Variants in FAM163A observed in about 807,000 individuals in gnomAD.
The protein encoded by FAM163A is family with sequence similarity 163 member A.
In FAM163A, 7 loss-of-function variants were observed where a neutral mutation model predicts 12.0. The ratio of observed to expected loss-of-function variants is 0.58; its 90% CI spans 0.33 to 1.10. FAM163A has a LOEUF of 1.10. FAM163A is among the 50% of genes least tolerant of loss of function. The probability of loss-of-function intolerance (pLI) is 0.03; values close to 1 mark genes in which losing one functional copy is unlikely to be tolerated. For synonymous variants in FAM163A, 101 were observed against 91.0 expected, an observed-to-expected ratio of 1.11 and a Z score of -0.62; for missense variants, 202 against 218.6, an observed-to-expected ratio of 0.92 and a Z score of 0.48.
At chr1:179,733,073 C>T in the FAM163A span, among the ~76,000 whole-genome samples, 287 of 151,906 alleles carry the variant, frequency 1.9e-3, 4 homozygotes, top group African/African-American at 6.7e-3. Flanking sequence ...AAGCACATAC[C>T]GAGGCGGCAG....
At chr1:179,745,947 C>A (rs1350769534) in intron 1 of FAM163A, among the ~76,000 whole-genome samples, 1 of 152,100 alleles carries the variant, frequency 6.6e-6, no homozygotes, top group Non-Finnish European at 1.5e-5. Context: ...ACTTGTAGAT[C>A]CAAGAGATAT....
In FAM163A at chr1:179,764,320, C is replaced by T. The variant is rs140399026; in HGVS notation, c.-136+20897C>T. Among the ~76,000 whole-genome samples the T allele has an allele frequency of 1.9e-3, 292 of 152,160 alleles. 1 individual carries two copies. The highest frequency in any genetic ancestry group is 0.014 in the Middle Eastern group (4 of 294). On this transcript the variant is annotated intron_variant, in intron 1 of 4. Coordinates refer to ENST00000341785, the MANE Select transcript of FAM163A (RefSeq NM_173509.3). ...ATCTGGGCAGAAGGGGCGGGAACGA[C>T]GAGGCAGATAAGAATATACCCATTT... is the stretch of plus-strand genomic sequence containing the variant.
At chr1:179,807,084 A>AG (rs1470951272) in intron 1 of FAM163A, among the ~76,000 whole-genome samples, 2 of 150,796 alleles carry the variant, frequency 1.3e-5, no homozygotes, top group African/African-American at 4.9e-5. Flanking sequence ...ACTGTGTCTC[A>AG]GAAAAAAAAA....
intron 4 of FAM163A, among the ~76,000 whole-genome samples, chr1:179,813,535 G>T (rs1457658369): frequency 6.6e-6 from 1 of 152,150 alleles, no homozygotes; most frequent in Admixed American, 6.5e-5. Flanking sequence ...AATATGATGT[G>T]TGTGTCCCTG....
At chr1:179,737,758 C>T in the FAM163A span, among the ~76,000 whole-genome samples, 1 of 151,834 alleles carries the variant, frequency 6.6e-6, no homozygotes, top group Non-Finnish European at 1.5e-5. Context: ...TGGCATGAAC[C>T]TGGGAGGCAG....
the FAM163A span, among the ~76,000 whole-genome samples, chr1:179,733,942 T>C: frequency 2.0e-5 from 3 of 152,220 alleles, no homozygotes; most frequent in African/African-American, 7.2e-5. Flanking sequence ...TCTTGCCTCA[T>C]GGAGAACGAT....
chr1:179,739,168 C>T (rs1161580366), upstream of FAM163A, among the ~76,000 whole-genome samples: 2 of 148,958 alleles, frequency 1.3e-5, no homozygotes, highest in Non-Finnish European at 3.0e-5. Context: ...ACATCTTATA[C>T]AAAAATTAAC....
chr1:179,773,876 C>T (rs1007012169), intron 1 of FAM163A, among the ~76,000 whole-genome samples: 2 of 152,286 alleles, frequency 1.3e-5, no homozygotes, highest in African/African-American at 4.8e-5. Flanking sequence ...GAGAAAGCAC[C>T]GGTATTCGCA....
intron 1 of FAM163A, among the ~76,000 whole-genome samples, chr1:179,752,368 G>A (rs983757536): frequency 1.3e-5 from 2 of 151,410 alleles, no homozygotes; most frequent in African/African-American, 2.4e-5. Context: ...ATAGGGGAAA[G>A]CTTCATCACA....
At chr1:179,755,882 C>T (rs1313113619) in intron 1 of FAM163A, among the ~76,000 whole-genome samples, 1 of 152,180 alleles carries the variant, frequency 6.6e-6, no homozygotes. Flanking sequence ...CCAGGCCCCT[C>T]AGAGGACCAT....
chr1:179,737,632 A>G, the FAM163A span, among the ~76,000 whole-genome samples: 9 of 152,248 alleles, frequency 5.9e-5, no homozygotes, highest in South Asian at 6.2e-4. Context: ...TCAGGAGATC[A>G]AGACCATCGT....
At chr1:179,813,532 T>C (rs562261478) in intron 4 of FAM163A, among the ~76,000 whole-genome samples, 1 of 152,166 alleles carries the variant, frequency 6.6e-6, no homozygotes, top group South Asian at 2.1e-4. Flanking sequence ...CTCAATATGA[T>C]GTGTGTGTCC....
At position 179,745,704 on chromosome 1, in the gene FAM163A, G is replaced by C. The variant is rs184611449; in HGVS notation, c.-136+2281G>C. Among the ~76,000 whole-genome samples, 11 of 152,314 alleles carry C rather than the reference G, an allele frequency of 7.2e-5. No individual in the cohort carries two copies. The East Asian group carries it at 2.1e-3, about 29-fold the overall frequency. On this transcript the variant is annotated intron_variant, in intron 1 of 4. Coordinates refer to ENST00000341785, the MANE Select transcript of FAM163A (RefSeq NM_173509.3). ...GTACCTGCTATGTGCCAGACACAAGGTTTTGCAAAATTACTATTATTTCCC... is the reference window on the plus strand; with the variant it reads ...GTACCTGCTATGTGCCAGACACAAGCTTTTGCAAAATTACTATTATTTCCC...
chr1:179,802,302 T>C (rs1693288814), intron 1 of FAM163A, among the ~76,000 whole-genome samples: 1 of 152,226 alleles, frequency 6.6e-6, no homozygotes, highest in Non-Finnish European at 1.5e-5. Context: ...TGAGCAGAAT[T>C]CTTATGCCTC....
chr1:179,784,018 G>A (rs1418590518), intron 1 of FAM163A, among the ~76,000 whole-genome samples: 1 of 152,094 alleles, frequency 6.6e-6, no homozygotes, highest in Non-Finnish European at 1.5e-5. Context: ...TCCCAAGGGA[G>A]AGAGATACAG....
intron 1 of FAM163A, among the ~76,000 whole-genome samples, chr1:179,754,630 G>A (rs925995344): frequency 3.9e-5 from 6 of 152,142 alleles, no homozygotes. Flanking sequence ...GGCAGAGGGA[G>A]GGCCAAGAGG....
At chr1:179,771,965 G>A (rs535818928) in intron 1 of FAM163A, among the ~76,000 whole-genome samples, 53 of 152,154 alleles carry the variant, frequency 3.5e-4, no homozygotes, top group Non-Finnish European at 5.9e-4. Flanking sequence ...CTGCAGGTCA[G>A]TTTTTTGAGA....
At chr1:179,795,541 A>G (rs1443219779) in intron 1 of FAM163A, among the ~76,000 whole-genome samples, 1 of 152,146 alleles carries the variant, frequency 6.6e-6, no homozygotes, top group Admixed American at 6.5e-5. Flanking sequence ...CTGCCATCGG[A>G]TGACCCCCAC....
intron 1 of FAM163A, among the ~76,000 whole-genome samples, chr1:179,751,864 T>C (rs1685325326): frequency 6.6e-6 from 1 of 152,300 alleles, no homozygotes; most frequent in South Asian, 2.1e-4. Flanking sequence ...GATTTAATAT[T>C]TTTATAATGT....
Sources: gnomAD v4.1 joint callset for allele counts (sites outside exome capture counted in the v4.1 genomes callset) on GRCh38, gnomAD v4.1.1 for gene constraint, MANE v1.5 for transcripts, NCBI Gene and HGNC (gene_info 2026-07-23, HGNC 2026-07-21) for gene names.